Variants in MTDH observed in about 807,000 individuals in gnomAD.
MTDH encodes the protein metadherin.
MTDH carries 34 observed loss-of-function variants against 72.7 expected under a neutral mutation model. The ratio of observed to expected loss-of-function variants is 0.47; its 90% CI spans 0.36 to 0.62. The LOEUF is 0.62. Among genes scored for constraint, MTDH ranks in the 20% least tolerant of loss-of-function variants. The probability of loss-of-function intolerance (pLI) is 0.00; values close to 1 mark genes in which losing one functional copy is unlikely to be tolerated. For missense variants in MTDH, 677 were observed against 699.4 expected (o/e 0.97, Z 0.36); for synonymous variants, 266 against 268.9 (o/e 0.99, Z 0.10).
At chr8:97,697,150 A>ATATATATTTTTTT in intron 6 of MTDH, among the ~76,000 whole-genome samples, 7 of 68,786 alleles carry the variant, frequency 1.0e-4, no homozygotes, top group African/African-American at 6.4e-4. Flanking sequence ...ATATATATAT[A>ATATATATTTTTTT]TTTTTTTTTT....
intron 10 of MTDH, among the ~76,000 whole-genome samples, chr8:97,720,016 G>A (rs28469468): frequency 0.046 from 7,075 of 152,290 alleles, 543 homozygotes; most frequent in African/African-American, 0.16. Flanking sequence ...GCTGGGTGTG[G>A]TGGCTCACGC....
chr8:97,699,491 A>C (rs1326312964), intron 6 of MTDH, among the ~76,000 whole-genome samples: 1 of 152,180 alleles, frequency 6.6e-6, no homozygotes, highest in Non-Finnish European at 1.5e-5. Flanking sequence ...TGTATAATAC[A>C]AAACACAAAA....
Position 97,689,077 on chromosome 8 carries a change from C to G in MTDH, c.785C>G (p.Ser262Cys), listed in dbSNP as rs1479343520. Reference protein sequence around the residue: ...HLNVQVSNFKSGKGDSTLQVS... With the variant: ...HLNVQVSNFKCGKGDSTLQVS... Reference sequence around the variant, plus strand: ...AATGTTCAAGTTAGCAACTTTAAATCTGGAAAAGGAGATTCTACACTTCAG... The same window carrying G: ...AATGTTCAAGTTAGCAACTTTAAATGTGGAAAAGGAGATTCTACACTTCAG... The change falls in exon 5 of 12, where the codon TCT (serine) becomes TGT (cysteine). Residue 262 changes from serine to cysteine, a missense_variant. Physicochemically the swap from Ser to Cys is moderately radical, Grantham distance 112 (BLOSUM62 -1). This residue lies in a region of MTDH where 467 missense variants were observed against 469.1 expected (regional missense o/e 1.00). Coordinates refer to ENST00000336273, the MANE Select transcript of MTDH (RefSeq NM_178812.4). 1 of 1,582,848 alleles carries G rather than the reference C, an allele frequency of 6.3e-7. No individual in the cohort carries two copies. The highest frequency in any genetic ancestry group is 1.3e-5 in the African/African-American group (1 of 74,278).
intron 10 of MTDH, among the ~76,000 whole-genome samples, chr8:97,721,825 T>C (rs2131087554): frequency 6.6e-6 from 1 of 152,318 alleles, no homozygotes; most frequent in Middle Eastern, 3.4e-3. Context: ...GGCTCTGCCT[T>C]AAGCATTCCA....
chr8:97,677,539 CTA>C (rs576152359), intron 2 of MTDH, among the ~76,000 whole-genome samples: 419 of 151,416 alleles, frequency 2.8e-3, no homozygotes, highest in African/African-American at 9.8e-3. Flanking sequence ...GAAGTGGACA[CTA>C]TTATTTCTAG....
chr8:97,696,138 AT>A (rs758140508), intron 6 of MTDH: 35 of 574,452 alleles, frequency 6.1e-5, no homozygotes, highest in Non-Finnish European at 7.7e-5. Context: ...ATAGTTTTAA[AT>A]CTTTACATAT....
chr8:97,684,693 CAGAA>C (rs1754971150), intron 2 of MTDH, among the ~76,000 whole-genome samples: 1 of 152,146 alleles, frequency 6.6e-6, no homozygotes, highest in Non-Finnish European at 1.5e-5. Context: ...AAGACAAAGA[CAGAA>C]AGTAGAATCA....
At chr8:97,703,486 A>T (rs1814220938) in intron 7 of MTDH, among the ~76,000 whole-genome samples, 1 of 152,178 alleles carries the variant, frequency 6.6e-6, no homozygotes, top group African/African-American at 2.4e-5. Flanking sequence ...TCTTCTGCTT[A>T]ATAGTTTCTT....
intron 2 of MTDH, among the ~76,000 whole-genome samples, chr8:97,667,118 G>T (rs952210674): frequency 6.6e-6 from 1 of 152,302 alleles, no homozygotes; most frequent in African/African-American, 2.4e-5. Context: ...AGCCTCCCAA[G>T]TAGCTGGGAC....
chr8:97,662,503 T>C (rs1239449122), intron 2 of MTDH, among the ~76,000 whole-genome samples: 1 of 149,750 alleles, frequency 6.7e-6, no homozygotes, highest in Non-Finnish European at 1.5e-5. Flanking sequence ...TGGTTGCTGC[T>C]GGCTGGGTGT....
At chr8:97,670,200 C>T (rs960515479) in intron 2 of MTDH, among the ~76,000 whole-genome samples, 7 of 152,146 alleles carry the variant, frequency 4.6e-5, no homozygotes, top group African/African-American at 1.7e-4. Flanking sequence ...CCTGTAGTCC[C>T]AGCTATTTGG....
intron 2 of MTDH, among the ~76,000 whole-genome samples, chr8:97,683,431 C>T (rs993018394): frequency 9.9e-5 from 15 of 151,470 alleles, no homozygotes; most frequent in Admixed American, 9.2e-4. Flanking sequence ...GGTCTCACCC[C>T]GTTACCCAGG....
chr8:97,706,648 C>G lies in MTDH; in HGVS notation c.1170C>G (p.Pro390=), dbSNP rs926751824. Residue 390 remains proline (P), a synonymous_variant, in exon 8 of 12, where the codon CCC becomes CCG. Coordinates refer to ENST00000336273, the MANE Select transcript of MTDH (RefSeq NM_178812.4). ...SGLNGLSSAD[P]NSDWNAPAEE... is the part of the protein sequence containing the mutation. ...TAGATGGTCTGTCTTCTGCTGATCCCAACTCTGATTGGAATGCACCAGCAG... is the reference window on the plus strand; with the variant it reads ...TAGATGGTCTGTCTTCTGCTGATCCGAACTCTGATTGGAATGCACCAGCAG... 7 of 1,612,486 alleles carry G rather than the reference C, an allele frequency of 4.3e-6. No individual in the cohort carries two copies. In the African/African-American group the frequency reaches 8.0e-5, roughly 18 times the overall value.
Position 97,661,053 on chromosome 8 carries a change from C to T in MTDH, c.382-19C>T. The T allele has an allele frequency of 6.2e-7, 1 of 1,603,988 alleles. No homozygotes were observed. Among genetic ancestry groups the T allele is most frequent in the Non-Finnish European group, 8.5e-7 (1 of 1,172,690 alleles). On this transcript the variant is annotated intron_variant, in intron 1 of 11. Coordinates refer to ENST00000336273, the MANE Select transcript of MTDH (RefSeq NM_178812.4). ...TGCTAAGCAGTTTGATAATATGATA[C>T]TTTTTGTTGCCTGTGCAGCCAAATG... is the stretch of plus-strand genomic sequence containing the variant.
At chr8:97,716,971 C>T (rs908415448) in intron 9 of MTDH, among the ~76,000 whole-genome samples, 1 of 152,190 alleles carries the variant, frequency 6.6e-6, no homozygotes, top group African/African-American at 2.4e-5. Context: ...CAAGCTACCG[C>T]ACCAAACCCA....
intron 2 of MTDH, among the ~76,000 whole-genome samples, chr8:97,673,744 G>T (rs957194448): frequency 6.6e-6 from 1 of 152,052 alleles, no homozygotes; most frequent in African/African-American, 2.4e-5. Context: ...GGAGGCCAAG[G>T]CGGGCAGATA....
chr8:97,707,951 G>C (rs1487616985), intron 8 of MTDH, among the ~76,000 whole-genome samples: 2 of 151,408 alleles, frequency 1.3e-5, no homozygotes, highest in African/African-American at 4.8e-5. Flanking sequence ...TTAACAAGTG[G>C]ATGGATTGGT....
intron 2 of MTDH, among the ~76,000 whole-genome samples, chr8:97,670,738 C>T (rs996481174): frequency 2.6e-5 from 4 of 152,144 alleles, no homozygotes; most frequent in African/African-American, 9.7e-5. Context: ...ACATCTGCTT[C>T]TCAGGAGGCC....
At chr8:97,696,881 G>C (rs1813855099) in intron 6 of MTDH, among the ~76,000 whole-genome samples, 1 of 151,534 alleles carries the variant, frequency 6.6e-6, no homozygotes, top group Non-Finnish European at 1.5e-5. Context: ...ACGTAGCGAG[G>C]CTGAGGTGGG....
Sources: gnomAD v4.1 joint callset for allele counts (sites outside exome capture counted in the v4.1 genomes callset) on GRCh38, gnomAD v4.1.1 for gene constraint, gnomAD v4.1.1 regional missense constraint, MANE v1.5 for transcripts, NCBI Gene and HGNC (gene_info 2026-07-23, HGNC 2026-07-21) for gene names.